The following CADM2 variants were observed in gnomAD, a reference collection of about 807,000 sequenced individuals.
The protein encoded by CADM2 is immunoglobulin superfamily member 4D.
A neutral mutation model predicts 49.8 loss-of-function variants in CADM2; 12 were observed. The ratio of observed to expected loss-of-function variants is 0.24; its 90% CI spans 0.15 to 0.39. The LOEUF (loss-of-function observed/expected upper bound fraction) is 0.39, where lower values mean the gene tolerates loss of function less well. CADM2 is among the 10% of genes least tolerant of loss of function. CADM2 has a pLI of 1.00. For missense variants in CADM2, 378 were observed against 492.3 expected (o/e 0.77, Z 2.20); for synonymous variants, 214 against 175.4 (o/e 1.22, Z -1.74).
intron 1 of CADM2, among the ~76,000 whole-genome samples, chr3:85,523,636 A>G (rs2106911308): frequency 6.6e-6 from 1 of 152,206 alleles, no homozygotes; most frequent in African/African-American, 2.4e-5. Flanking sequence ...AAAAGAAAAT[A>G]ATAATAACTT....
At chr3:85,475,962 A>G (rs2038958844) in intron 1 of CADM2, among the ~76,000 whole-genome samples, 1 of 151,936 alleles carries the variant, frequency 6.6e-6, no homozygotes, top group Non-Finnish European at 1.5e-5. Flanking sequence ...ACAAGTACTT[A>G]AAAAGAAATA....
chr3:85,130,363 G>GA (rs887069800), intron 1 of CADM2, among the ~76,000 whole-genome samples: 12 of 150,938 alleles, frequency 8.0e-5, no homozygotes, highest in South Asian at 2.1e-4. Context: ...TACAATTGTT[G>GA]AAAAAAAAAT....
intron 1 of CADM2, among the ~76,000 whole-genome samples, chr3:85,683,287 G>C (rs1368502853): frequency 1.3e-5 from 2 of 152,062 alleles, no homozygotes; most frequent in Non-Finnish European, 2.9e-5. Flanking sequence ...AAGCTTCAAA[G>C]TTCCCTAATG....
At chr3:85,461,903 C>A (rs78878607) in intron 1 of CADM2, among the ~76,000 whole-genome samples, 2,626 of 152,174 alleles carry the variant, frequency 0.017, 76 homozygotes, top group African/African-American at 0.06. Flanking sequence ...ACATTATAGT[C>A]TCTAATAAAA....
chr3:85,287,982 G>C (rs1471747306), intron 1 of CADM2, among the ~76,000 whole-genome samples: 1 of 151,224 alleles, frequency 6.6e-6, no homozygotes, highest in Non-Finnish European at 1.5e-5. Context: ...AGCATTAGGA[G>C]ATATACCTAA....
chr3:85,491,946 T>TC (rs1455926658), intron 1 of CADM2, among the ~76,000 whole-genome samples: 1 of 65,730 alleles, frequency 1.5e-5, no homozygotes, highest in Non-Finnish European at 3.8e-5. Flanking sequence ...TGAGACTGTC[T>TC]CAAAAAAAAA....
chr3:85,582,145 C>T (rs1419613797), intron 1 of CADM2, among the ~76,000 whole-genome samples: 1 of 152,078 alleles, frequency 6.6e-6, no homozygotes, highest in African/African-American at 2.4e-5. Context: ...AGGATGGTCT[C>T]GATCTCTTGA....
chr3:85,192,867 A>C (rs1400081683), intron 1 of CADM2, among the ~76,000 whole-genome samples: 1 of 152,056 alleles, frequency 6.6e-6, no homozygotes, highest in Non-Finnish European at 1.5e-5. Flanking sequence ...AATTTGACCA[A>C]GGTGATCAAG....
At chr3:85,754,830 C>CA (rs975001737) in intron 2 of CADM2, among the ~76,000 whole-genome samples, 2 of 151,826 alleles carry the variant, frequency 1.3e-5, no homozygotes, top group African/African-American at 4.8e-5. Flanking sequence ...AACAAACAAA[C>CA]AAAAAAATAC....
chr3:85,900,215 C>T (rs1178584942), intron 5 of CADM2, among the ~76,000 whole-genome samples: 3 of 152,028 alleles, frequency 2.0e-5, no homozygotes, highest in African/African-American at 7.2e-5. Context: ...GTCTCTGTTA[C>T]TTCATCTAGA....
intron 1 of CADM2, among the ~76,000 whole-genome samples, chr3:85,009,882 A>AATAC (rs2033906958): frequency 1.3e-5 from 2 of 149,076 alleles, no homozygotes; most frequent in South Asian, 2.1e-4. Flanking sequence ...TAAATAAATA[A>AATAC]ATAAATAAAT....
chr3:85,514,526 A>G (rs2060848085), intron 1 of CADM2, among the ~76,000 whole-genome samples: 1 of 152,232 alleles, frequency 6.6e-6, no homozygotes, highest in Non-Finnish European at 1.5e-5. Flanking sequence ...ATATCATAGT[A>G]GAGATTACAT....
rs1577207826 is a variant in CADM2, at chr3:85,742,732, G to T, written c.88+16184G>T. 2.0e-5 allele frequency among the ~76,000 whole-genome samples: 3 copies of T among 152,084 alleles called. No homozygotes were observed. In the South Asian group the frequency reaches 6.2e-4, roughly 32 times the overall value. On this transcript the variant is annotated intron_variant, in intron 2 of 9. Coordinates refer to ENST00000383699, the MANE Select transcript of CADM2 (RefSeq NM_001167675.2). ...TTAAAATATTTTTAACTATTAATAT[G>T]ATCTTAGCATTTCAGGTGGCAATCC...
intron 3 of CADM2, among the ~76,000 whole-genome samples, chr3:85,850,105 T>G (rs1353038354): frequency 6.6e-6 from 1 of 152,074 alleles, no homozygotes; most frequent in Non-Finnish European, 1.5e-5. Flanking sequence ...ATGACAATAT[T>G]TATATGGCAG....
intron 1 of CADM2, among the ~76,000 whole-genome samples, chr3:85,284,445 G>T (rs2106903718): frequency 6.6e-6 from 1 of 152,170 alleles, no homozygotes; most frequent in Non-Finnish European, 1.5e-5. Context: ...AGGAGAAGAA[G>T]AAAAATATCA....
intron 7 of CADM2, among the ~76,000 whole-genome samples, chr3:85,955,503 G>A (rs1293844139): frequency 1.3e-5 from 2 of 151,414 alleles, no homozygotes; most frequent in East Asian, 2.0e-4. Context: ...GGATGTGAAC[G>A]ATTAAGGCAA....
chr3:85,703,675 T>C (rs2066852021), intron 1 of CADM2, among the ~76,000 whole-genome samples: 1 of 152,166 alleles, frequency 6.6e-6, no homozygotes, highest in Non-Finnish European at 1.5e-5. Flanking sequence ...ACCAGGTTCC[T>C]AGACAGGAGG....
intron 8 of CADM2, among the ~76,000 whole-genome samples, chr3:86,037,469 T>C (rs1487436376): frequency 6.6e-6 from 1 of 152,026 alleles, no homozygotes; most frequent in Non-Finnish European, 1.5e-5. Flanking sequence ...TAAACTATAA[T>C]GAAAGGAGAA....
rs188453636 is a variant in CADM2, at chr3:85,840,512, A to C, written c.238+38316A>C. Reference sequence around the variant, plus strand: ...TGTATAATTTTACTTTCAGCTTTTAAAGGTGCTAAATGATTTATTTAAAAC... The same window carrying C: ...TGTATAATTTTACTTTCAGCTTTTACAGGTGCTAAATGATTTATTTAAAAC... On this transcript the variant is annotated intron_variant, in intron 3 of 9. Transcript: ENST00000383699. Among the ~76,000 whole-genome samples, 213 of 152,030 alleles carry C rather than the reference A, an allele frequency of 1.4e-3. 1 individual carries two copies. Among genetic ancestry groups the C allele is most frequent in the African/African-American group, 4.9e-3 (205 of 41,558 alleles).
Sources: gnomAD v4.1 joint callset for allele counts (sites outside exome capture counted in the v4.1 genomes callset) on GRCh38, gnomAD v4.1.1 for gene constraint, MANE v1.5 for transcripts, NCBI Gene and HGNC (gene_info 2026-07-23, HGNC 2026-07-21) for gene names.